ATXN1: variants seen among roughly 807,000 people sequenced by gnomAD.
ATXN1 encodes the protein ataxin 1.
ATXN1 carries 8 observed loss-of-function variants against 56.4 expected under a neutral mutation model. The ratio of observed to expected loss-of-function variants is 0.14; its 90% CI spans 0.08 to 0.26. The LOEUF (loss-of-function observed/expected upper bound fraction) is 0.26. ATXN1 is among the 10% of genes least tolerant of loss of function. The pLI, the probability that ATXN1 is intolerant of heterozygous loss-of-function variation, is 1.00. For synonymous variants in ATXN1, 514 were observed against 494.6 expected (o/e 1.04, Z -0.52); for missense variants, 987 against 1,106.5 (o/e 0.89, Z 1.53).
intron 2 of ATXN1, among the ~76,000 whole-genome samples, chr6:16,681,857 G>T (rs1156427049): frequency 6.6e-6 from 1 of 152,154 alleles, no homozygotes; most frequent in African/African-American, 2.4e-5. Context: ...TATAAGAACT[G>T]TGCATTTAAA....
chr6:16,705,561 C>G (rs934398915), intron 2 of ATXN1, among the ~76,000 whole-genome samples: 1 of 152,150 alleles, frequency 6.6e-6, no homozygotes, highest in Non-Finnish European at 1.5e-5. Context: ...ACACTACCCC[C>G]CTCTCATTCA....
intron 6 of ATXN1, among the ~76,000 whole-genome samples, chr6:16,483,758 C>T (rs1760485563): frequency 6.6e-6 from 1 of 152,138 alleles, no homozygotes; most frequent in East Asian, 1.9e-4. Context: ...ATGAACAGTT[C>T]AAAGCAACGG....
Position 16,410,989 on chromosome 6 carries a change from G to A in ATXN1, c.-161+74983C>T, listed in dbSNP as rs1182208840. 1.3e-5 allele frequency among the ~76,000 whole-genome samples: 2 copies of A among 152,054 alleles called. No individual in the cohort carries two copies. Among genetic ancestry groups the A allele is most frequent in the African/African-American group, 4.8e-5 (2 of 41,392 alleles). Reference sequence around the variant, plus strand: ...AAAATACAAAAATTAGCCGTGTGTAGTAGCACATGCCTGTAGTTTCAGCTA... The same window carrying A: ...AAAATACAAAAATTAGCCGTGTGTAATAGCACATGCCTGTAGTTTCAGCTA... On this transcript the variant is annotated intron_variant, in intron 6 of 7. Coordinates refer to ENST00000436367, the MANE Select transcript of ATXN1 (RefSeq NM_001128164.2). This position sits in a 1 kb window ranked among gnomAD's most constrained non-coding sequence, Gnocchi z 4.6.
intron 6 of ATXN1, among the ~76,000 whole-genome samples, chr6:16,330,387 TTCC>T (rs1417936474): frequency 3.4e-4 from 47 of 137,098 alleles, no homozygotes; most frequent in African/African-American, 8.7e-4. Flanking sequence ...CCTTCCTTCC[TTCC>T]TTTTTTTTTT....
At chr6:16,599,121 C>T (rs1424061188) in intron 3 of ATXN1, among the ~76,000 whole-genome samples, 1 of 152,168 alleles carries the variant, frequency 6.6e-6, no homozygotes. Context: ...ATCTGACACC[C>T]AATGGTGTCA....
At chr6:16,622,102 C>T (rs1438759239) in intron 3 of ATXN1, among the ~76,000 whole-genome samples, 1 of 152,204 alleles carries the variant, frequency 6.6e-6, no homozygotes, top group Non-Finnish European at 1.5e-5. Context: ...TGGAAATACA[C>T]AAGTGACAGA....
chr6:16,679,232 A>ATGGATGGATGGGTGGG (rs1758751527), intron 2 of ATXN1, among the ~76,000 whole-genome samples: 1 of 150,808 alleles, frequency 6.6e-6, no homozygotes, highest in African/African-American at 2.4e-5. Context: ...GGATGAATAG[A>ATGGATGGATGGGTGGG]TGGATGGATG....
rs1250416719 is a variant in ATXN1 at position 16,301,075 on chromosome 6, C to G, written c.*5254G>C. 7.5e-6 allele frequency: 1 copy of G among 133,034 alleles called. No individual in the cohort carries two copies. The allele number at this position is 133,034 out of a possible 1,614,324, so 8.2% of individuals were successfully genotyped here. Reference sequence around the variant, plus strand: ...ATACAAAAAAACATGTAACTTTCAACCCTTCTCTGCTTTTTTTTTTTTACA... The same window carrying G: ...ATACAAAAAAACATGTAACTTTCAAGCCTTCTCTGCTTTTTTTTTTTTACA... On this transcript the variant is annotated 3_prime_UTR_variant, in exon 8 of 8. Transcript: ENST00000436367.
At chr6:16,681,622 C>T (rs1758814893) in intron 2 of ATXN1, among the ~76,000 whole-genome samples, 1 of 152,172 alleles carries the variant, frequency 6.6e-6, no homozygotes, top group Non-Finnish European at 1.5e-5. Flanking sequence ...CTTTTTTATT[C>T]CCATTAGCTC....
chr6:16,443,146 T>A (rs1376487872), intron 6 of ATXN1, among the ~76,000 whole-genome samples: 2 of 141,240 alleles, frequency 1.4e-5, no homozygotes, highest in Non-Finnish European at 3.0e-5. Context: ...TGTACCACTG[T>A]ACTCCAGCCT....
chr6:16,598,135 T>C (rs1038890925), intron 3 of ATXN1, among the ~76,000 whole-genome samples: 1 of 152,138 alleles, frequency 6.6e-6, no homozygotes, highest in African/African-American at 2.4e-5. Context: ...TGCCTATAAA[T>C]ATAAAAAGTT....
At chr6:16,322,407 T>C (rs933806136) in intron 7 of ATXN1, among the ~76,000 whole-genome samples, 1 of 150,576 alleles carries the variant, frequency 6.6e-6, no homozygotes, top group African/African-American at 2.5e-5. Context: ...GGGTGTGATG[T>C]TGGGGGGGTC....
At position 16,506,110 on chromosome 6, in the gene ATXN1, G is replaced by A. The variant is rs1760978324; in HGVS notation, c.-299+16517C>T. ...ATCTTGGCATCAGGGCTTACTATAA[G>A]CTGAGTTAAACAGGAATGGAAGATC... On this transcript the variant is annotated intron_variant, in intron 5 of 7. Coordinates refer to ENST00000436367, the MANE Select transcript of ATXN1 (RefSeq NM_001128164.2). This position sits in a 1 kb window ranked among gnomAD's most constrained non-coding sequence, Gnocchi z 4.1. 1.3e-5 allele frequency among the ~76,000 whole-genome samples: 2 copies of A among 152,174 alleles called. No individual in the cohort carries two copies. Among genetic ancestry groups the A allele is most frequent in the African/African-American group, 4.8e-5 (2 of 41,430 alleles).
chr6:16,335,420 G>A (rs925427860), intron 6 of ATXN1, among the ~76,000 whole-genome samples: 2 of 152,174 alleles, frequency 1.3e-5, no homozygotes, highest in African/African-American at 2.4e-5. Context: ...TTCCCTTCTC[G>A]GCTCTGCACC....
At chr6:16,384,081 G>T (rs1581727007) in intron 6 of ATXN1, among the ~76,000 whole-genome samples, 1 of 152,174 alleles carries the variant, frequency 6.6e-6, no homozygotes, top group Admixed American at 6.5e-5. Flanking sequence ...AGAAACGCAT[G>T]CACCTGATTG....
intron 4 of ATXN1, among the ~76,000 whole-genome samples, chr6:16,561,790 T>A (rs1460114544): frequency 3.3e-5 from 5 of 151,928 alleles, no homozygotes; most frequent in Non-Finnish European, 7.4e-5. Flanking sequence ...AAACCAGAGA[T>A]GCAACAGAAG....
Position 16,655,391 on chromosome 6 carries a change from G to A in ATXN1, c.-489+2385C>T, listed in dbSNP as rs146232527. Reference sequence around the variant, plus strand: ...GGAAAAATTAGCCAGGCATGGTGGCGCGTGCCTGTAGTCTCGGCTACTGGT... The same window carrying A: ...GGAAAAATTAGCCAGGCATGGTGGCACGTGCCTGTAGTCTCGGCTACTGGT... On this transcript the variant is annotated intron_variant, in intron 3 of 7. Transcript: ENST00000436367. 3.7e-3 allele frequency among the ~76,000 whole-genome samples: 569 copies of A among 152,092 alleles called. 4 individuals are homozygous for A. The highest frequency in any genetic ancestry group is 0.013 in the African/African-American group (554 of 41,490).
intron 6 of ATXN1, among the ~76,000 whole-genome samples, chr6:16,471,702 T>TGTGTGC (rs1238505488): frequency 6.6e-6 from 1 of 151,880 alleles, no homozygotes; most frequent in Non-Finnish European, 1.5e-5. Flanking sequence ...TGTGTGTGTG[T>TGTGTGC]GTGTGTGTGA....
chr6:16,673,030 A>AAAG (rs1273204436), intron 2 of ATXN1, among the ~76,000 whole-genome samples: 1 of 151,454 alleles, frequency 6.6e-6, no homozygotes, highest in Non-Finnish European at 1.5e-5. Flanking sequence ...CAAAAAAAAA[A>AAAG]AAAAAAGAAA....
Sources: allele counts gnomAD v4.1 joint callset (sites outside exome capture counted in the v4.1 genomes callset), GRCh38; gene constraint gnomAD v4.1.1; non-coding constraint Gnocchi (gnomAD v3.1); transcripts MANE v1.5; gene names NCBI Gene and HGNC (gene_info 2026-07-23, HGNC 2026-07-21).